Variants in FAF2 observed in about 807,000 individuals in gnomAD.
The protein encoded by FAF2 is Fas associated factor family member 2.
Under a neutral mutation model 62.3 loss-of-function variants are expected in FAF2, and 9 were observed. The observed-to-expected ratio is 0.14, with a 90% CI of 0.09 to 0.25. The LOEUF (loss-of-function observed/expected upper bound fraction) is 0.25. Ranked by LOEUF, FAF2 falls within the 10% of genes least tolerant of loss-of-function variation. FAF2 has a pLI of 1.00. For missense variants in FAF2, 368 were observed against 556.2 expected (o/e 0.66, Z 3.40); for synonymous variants, 202 against 198.0 (o/e 1.02, Z -0.17).
chr5:176,456,408 A>G (rs1758278251), intron 1 of FAF2, among the ~76,000 whole-genome samples: 1 of 152,182 alleles, frequency 6.6e-6, no homozygotes, highest in Non-Finnish European at 1.5e-5. Flanking sequence ...GAACAACTCA[A>G]TCAAAAGGTA....
chr5:176,476,345 T>C (rs1236273959), intron 1 of FAF2, among the ~76,000 whole-genome samples: 2 of 152,198 alleles, frequency 1.3e-5, no homozygotes, highest in African/African-American at 4.8e-5. Flanking sequence ...TTTCAGCTTA[T>C]AGCTATGATG....
At chr5:176,462,304 A>G (rs1425373951) in intron 1 of FAF2, among the ~76,000 whole-genome samples, 1 of 152,090 alleles carries the variant, frequency 6.6e-6, no homozygotes, top group Non-Finnish European at 1.5e-5. Context: ...AGAGTGGATC[A>G]GAAAACACAT....
At chr5:176,504,310 T>C (rs1384791652) in intron 10 of FAF2, among the ~76,000 whole-genome samples, 1 of 151,790 alleles carries the variant, frequency 6.6e-6, no homozygotes, top group Admixed American at 6.6e-5. Context: ...CTGGCCGGGC[T>C]TGGTGGCTCA....
chr5:176,506,739 AC>A lies in FAF2; in HGVS notation c.1156-26del, dbSNP rs767589165. ...TGTGTGTATTTCTGTTTTTCTCACC[AC>A]CCTTCTTTTTCTATATGACCTCTGC... is the stretch of plus-strand genomic sequence containing the variant. On this transcript the variant is annotated intron_variant, in intron 10 of 10. Coordinates refer to ENST00000261942, the MANE Select transcript of FAF2 (RefSeq NM_014613.3). The A allele has an allele frequency of 3.1e-6, 5 of 1,594,132 alleles. No individual in the cohort carries two copies. In the East Asian group the frequency reaches 9.0e-5, roughly 29 times the overall value.
In FAF2 at chr5:176,467,340, G is replaced by GT. The variant is rs997291314; in HGVS notation, c.64-11839dup. On this transcript the variant is annotated intron_variant, in intron 1 of 10. Transcript: ENST00000261942. ...AGTAGACTTTTTTTGGTTTTTTTTG[G>GT]TTTTTTTTTGAGTCAGTGTCGCCCT... Among the ~76,000 whole-genome samples the GT allele has an allele frequency of 2.3e-4, 34 of 149,868 alleles. 1 individual carries two copies. The highest frequency in any genetic ancestry group is 4.3e-4 in the South Asian group (2 of 4,704).
At chr5:176,503,972 G>C (rs1755636061) in intron 10 of FAF2, among the ~76,000 whole-genome samples, 1 of 151,322 alleles carries the variant, frequency 6.6e-6, no homozygotes, top group Non-Finnish European at 1.5e-5. Flanking sequence ...GACCAGCCTG[G>C]CCAACATGGT....
intron 3 of FAF2, among the ~76,000 whole-genome samples, chr5:176,487,819 A>G (rs551739852): frequency 2.0e-5 from 3 of 152,072 alleles, no homozygotes; most frequent in East Asian, 1.9e-4. Flanking sequence ...TGCTATTTCT[A>G]TATACATTAT....
At chr5:176,470,574 G>A (rs1047190573) in intron 1 of FAF2, among the ~76,000 whole-genome samples, 2 of 152,252 alleles carry the variant, frequency 1.3e-5, no homozygotes, top group Non-Finnish European at 1.5e-5. Context: ...GCGAAACTCT[G>A]TCTCCAAACA....
chr5:176,453,257 T>G (rs1758219054), intron 1 of FAF2: 2 of 152,240 alleles, frequency 1.3e-5, no homozygotes, highest in Non-Finnish European at 2.9e-5. Flanking sequence ...TTATTGGCGT[T>G]CATTTTCCCA....
intron 1 of FAF2, among the ~76,000 whole-genome samples, chr5:176,457,833 A>G (rs532878853): frequency 2.3e-4 from 35 of 152,310 alleles, no homozygotes; most frequent in African/African-American, 7.7e-4. Flanking sequence ...ACAATTTTTC[A>G]TACTAAATAC....
chr5:176,492,466 G>A, intron 5 of FAF2, 134 bp downstream of exon 5: 3 of 1,011,952 alleles, frequency 3.0e-6, no homozygotes, highest in African/African-American at 1.7e-5. Flanking sequence ...TATAGGGGTG[G>A]GTAATAAAAA....
At chr5:176,452,999 T>C (rs1039456604) in intron 1 of FAF2, 17 of 152,136 alleles carry the variant, frequency 1.1e-4, no homozygotes, top group African/African-American at 3.9e-4. Flanking sequence ...AAATCTCAGG[T>C]TTCCTGTATT....
At chr5:176,478,906 A>C (rs1758744749) in intron 1 of FAF2, among the ~76,000 whole-genome samples, 1 of 152,196 alleles carries the variant, frequency 6.6e-6, no homozygotes, top group Admixed American at 6.5e-5. Context: ...AAAATCTTTA[A>C]TTTTTTAAAC....
chr5:176,468,774 C>T (rs1245580081), intron 1 of FAF2, among the ~76,000 whole-genome samples: 1 of 149,588 alleles, frequency 6.7e-6, no homozygotes, highest in African/African-American at 2.5e-5. Context: ...CCAATCTAGC[C>T]CCCAAAAAAA....
In FAF2 at chr5:176,486,391, G is replaced by A. The variant is rs568519297; in HGVS notation, c.169G>A (p.Val57Ile). 5.8e-5 allele frequency: 93 copies of A among 1,614,166 alleles called. No individual in the cohort carries two copies. The East Asian group carries it at 1.9e-3, about 32-fold the overall frequency. The change falls in exon 3 of 11, where the codon GTA (valine) becomes ATA (isoleucine). Residue 57 changes from valine (V) to isoleucine (I), a missense_variant. Val to Ile is a conservative substitution (Grantham distance 29). Transcript: ENST00000261942. ...VQDRLNEQEG[V>I]PSVFNPPPSR... ...GGACAGATTGAATGAGCAAGAGGGC[G>A]TACCTAGTGTTTTCAACCCACCTCC...
At chr5:176,495,157 G>A (rs1759039672) in intron 7 of FAF2, among the ~76,000 whole-genome samples, 1 of 152,120 alleles carries the variant, frequency 6.6e-6, no homozygotes, top group Non-Finnish European at 1.5e-5. Flanking sequence ...AAGATACGAA[G>A]GCATCCAGTG....
Position 176,492,186 on chromosome 5 carries a change from C to T in FAF2, c.345-8C>T, listed in dbSNP as rs771371409. ...GGATTCATGTGATATTTATTCCTTC[C>T]TCCCCAGGTTTGCTCTTCGTTTTAT... On this transcript the variant is annotated splice_region_variant and splice_polypyrimidine_tract_variant and intron_variant, in intron 4 of 10. Transcript: ENST00000261942. The T allele has an allele frequency of 1.9e-6, 3 of 1,614,088 alleles. No individual in the cohort carries two copies. The highest frequency in any genetic ancestry group is 2.2e-5 in the South Asian group (2 of 91,068).
chr5:176,477,106 CCT>C lies in FAF2; in HGVS notation c.64-2081_64-2080del, dbSNP rs1491559020. Among the ~76,000 whole-genome samples, 440 of 143,676 alleles carry C rather than the reference CCT, an allele frequency of 3.1e-3. 5 individuals are homozygous for C. Among genetic ancestry groups the C allele is most frequent in the African/African-American group, 0.011 (418 of 36,880 alleles). The allele number at this position is 143,676 out of a possible 152,430, so 94.3% of individuals were successfully genotyped here. On this transcript the variant is annotated intron_variant, in intron 1 of 10. Transcript: ENST00000261942. ...TACAGGCGTGAGCCACCGTGCCCGGCCTTTTTTTTTTTTTTTTTTAAGTTGAG... is the reference window on the plus strand; with the variant it reads ...TACAGGCGTGAGCCACCGTGCCCGGCTTTTTTTTTTTTTTTTTAAGTTGAG...
intron 1 of FAF2, among the ~76,000 whole-genome samples, chr5:176,465,680 T>C (rs1360502483): frequency 6.6e-6 from 1 of 152,058 alleles, no homozygotes; most frequent in East Asian, 1.9e-4. Context: ...AAATTGAAAT[T>C]TTCTGAATTA....
Sources: gnomAD v4.1 joint callset for allele counts (sites outside exome capture counted in the v4.1 genomes callset) on GRCh38, gnomAD v4.1.1 for gene constraint, MANE v1.5 for transcripts, NCBI Gene and HGNC (gene_info 2026-07-23, HGNC 2026-07-21) for gene names.